Variants in APBB2 observed in about 807,000 individuals in gnomAD.
APBB2 encodes Fe65-like 1.
APBB2 carries 38 observed loss-of-function variants against 82.5 expected under a neutral mutation model. The observed-to-expected ratio is 0.46, with a 90% confidence interval of 0.36 to 0.60. APBB2 has a LOEUF of 0.60. APBB2 is among the 20% of genes least tolerant of loss of function. The probability of loss-of-function intolerance (pLI) is 0.00; values close to 1 mark genes in which losing one functional copy is unlikely to be tolerated. For missense variants in APBB2, 772 were observed against 972.3 expected (o/e 0.79, Z 2.74); for synonymous variants, 341 against 368.2 (o/e 0.93, Z 0.85).
intron 6 of APBB2, among the ~76,000 whole-genome samples, chr4:41,005,507 T>C (rs1806454890): frequency 6.6e-6 from 1 of 152,224 alleles, no homozygotes; most frequent in Non-Finnish European, 1.5e-5. Context: ...GTAGTGTTTT[T>C]GTCTCTCTGA....
intron 6 of APBB2, among the ~76,000 whole-genome samples, chr4:41,000,251 G>C (rs1804851260): frequency 6.6e-6 from 1 of 151,202 alleles, no homozygotes; most frequent in Non-Finnish European, 1.5e-5. Flanking sequence ...AACAGAGTGA[G>C]ACCCTGTCTC....
chr4:41,003,383 C>T (rs558254223), intron 6 of APBB2, among the ~76,000 whole-genome samples: 1 of 152,268 alleles, frequency 6.6e-6, no homozygotes, highest in African/African-American at 2.4e-5. Flanking sequence ...CATGTTGCAT[C>T]TATTAAGGAA....
Position 40,821,918 on chromosome 4 carries a change from C to T in APBB2, c.2065G>A (p.Glu689Lys), listed in dbSNP as rs1748105476. 10 of 1,614,068 alleles carry T rather than the reference C, an allele frequency of 6.2e-6. No individual in the cohort carries two copies. The highest frequency in any genetic ancestry group is 1.1e-5 in the South Asian group (1 of 91,074). Residue 689 changes from glutamate to lysine, a missense_variant, in exon 17 of 18, where the codon GAG becomes AAG. By Grantham distance (56) the Glu-to-Lys change is moderately conservative. Coordinates refer to ENST00000508593, the MANE Select transcript of APBB2 (RefSeq NM_004307.2). Reference protein sequence around the residue: ...QRFECHVFWCEPNAGNVSEAV... With the variant: ...QRFECHVFWCKPNAGNVSEAV... ...TCAGACACGTTACCAGCATTAGGCTCGCACCAGAAAACGTGGCACTCAAAG... is the reference window on the plus strand; with the variant it reads ...TCAGACACGTTACCAGCATTAGGCTTGCACCAGAAAACGTGGCACTCAAAG...
chr4:41,165,338 G>C (rs62409976), intron 1 of APBB2, among the ~76,000 whole-genome samples: 10,706 of 152,102 alleles, frequency 0.07, 910 homozygotes, highest in African/African-American at 0.21. Flanking sequence ...ACTCTCACAC[G>C]AACTACCCAC....
intron 4 of APBB2, among the ~76,000 whole-genome samples, chr4:41,065,154 G>T (rs1356640372): frequency 6.6e-6 from 1 of 152,054 alleles, no homozygotes; most frequent in African/African-American, 2.4e-5. Flanking sequence ...CAGGCACGGT[G>T]GCACATCTGT....
At chr4:40,936,232 C>T (rs762715025) in intron 7 of APBB2, among the ~76,000 whole-genome samples, 1 of 152,128 alleles carries the variant, frequency 6.6e-6, no homozygotes, top group Non-Finnish European at 1.5e-5. Context: ...ATGTCTTGTG[C>T]GTCGAAAGAT....
chr4:41,206,141 C>T (rs547932963), intron 1 of APBB2, among the ~76,000 whole-genome samples: 9 of 152,248 alleles, frequency 5.9e-5, no homozygotes, highest in Non-Finnish European at 7.4e-5. Context: ...GGCCAAATCC[C>T]GAGTTCCCTT....
chr4:40,991,870 T>G (rs1044886060), intron 6 of APBB2, among the ~76,000 whole-genome samples: 1 of 152,154 alleles, frequency 6.6e-6, no homozygotes, highest in Non-Finnish European at 1.5e-5. Context: ...TGAGGTTTCC[T>G]TAAGAATCTT....
intron 4 of APBB2, among the ~76,000 whole-genome samples, chr4:41,057,551 C>A (rs1482448731): frequency 6.6e-6 from 1 of 152,210 alleles, no homozygotes; most frequent in Non-Finnish European, 1.5e-5. Flanking sequence ...CAGAGGCAAA[C>A]AACAAACTGA....
chr4:40,946,681 T>G (rs1788543960), intron 6 of APBB2, among the ~76,000 whole-genome samples: 2 of 151,344 alleles, frequency 1.3e-5, no homozygotes, highest in South Asian at 4.2e-4. Flanking sequence ...AATCAATGTA[T>G]GTAGGAAGAA....
At chr4:41,035,769 CAG>C (rs1718917524) in intron 4 of APBB2, among the ~76,000 whole-genome samples, 1 of 152,190 alleles carries the variant, frequency 6.6e-6, no homozygotes, top group Admixed American at 6.5e-5. Context: ...TGAATATGTA[CAG>C]ACTTTTTTTT....
chr4:40,988,674 A>C (rs867514162), intron 6 of APBB2, among the ~76,000 whole-genome samples: 1,637 of 151,402 alleles, frequency 0.011, 41 homozygotes, highest in African/African-American at 0.038. Flanking sequence ...CAAAAAAAAA[A>C]AAAAGCCAGG....
intron 4 of APBB2, among the ~76,000 whole-genome samples, chr4:41,053,195 T>C (rs147115625): frequency 1.3e-3 from 203 of 152,336 alleles, no homozygotes; most frequent in African/African-American, 4.7e-3. Context: ...TTTTACTATA[T>C]GATGTGCAAA....
chr4:40,849,315 C>A (rs1327437266), intron 12 of APBB2, among the ~76,000 whole-genome samples: 2 of 152,152 alleles, frequency 1.3e-5, no homozygotes, highest in Non-Finnish European at 2.9e-5. Context: ...AAAAGCCAAG[C>A]GAATCTATAC....
chr4:40,949,644 C>G (rs1358299676), intron 6 of APBB2, among the ~76,000 whole-genome samples: 1 of 151,834 alleles, frequency 6.6e-6, no homozygotes, highest in Non-Finnish European at 1.5e-5. Context: ...TTCGACAACA[C>G]CAGGCGATTT....
At chr4:40,915,289 C>T (rs914410280) in intron 10 of APBB2, among the ~76,000 whole-genome samples, 1 of 151,990 alleles carries the variant, frequency 6.6e-6, no homozygotes, top group Non-Finnish European at 1.5e-5. Context: ...TCCTGGCACT[C>T]GCTCACACTC....
At chr4:40,881,688 C>T (rs1489582960) in intron 12 of APBB2, among the ~76,000 whole-genome samples, 2 of 151,814 alleles carry the variant, frequency 1.3e-5, no homozygotes, top group African/African-American at 4.8e-5. Context: ...TGTGCACTAT[C>T]ACACCTGGCT....
intron 1 of APBB2, among the ~76,000 whole-genome samples, chr4:41,198,733 G>A (rs931834262): frequency 9.8e-5 from 15 of 152,340 alleles, no homozygotes; most frequent in South Asian, 6.2e-4. Context: ...GAAGCTAGAA[G>A]TCTGAAATCA....
rs754438516 is a variant in APBB2 at position 40,821,922 on chromosome 4, C to G, written c.2061G>C (p.Trp687Cys). 6.2e-7 allele frequency: 1 copy of G among 1,614,068 alleles called. No individual in the cohort carries two copies. The highest frequency in any genetic ancestry group is 8.5e-7 in the Non-Finnish European group (1 of 1,180,032). Residue 687 changes from tryptophan to cysteine, a missense_variant, in exon 17 of 18, where the codon TGG (tryptophan) becomes TGC (cysteine). Trp to Cys is a radical substitution (Grantham distance 215). Coordinates refer to ENST00000508593, the MANE Select transcript of APBB2 (RefSeq NM_004307.2). ...GNQRFECHVF[W>C]CEPNAGNVSE... Reference sequence around the variant, plus strand: ...ACACGTTACCAGCATTAGGCTCGCACCAGAAAACGTGGCACTCAAAGCGCT... The same window carrying G: ...ACACGTTACCAGCATTAGGCTCGCAGCAGAAAACGTGGCACTCAAAGCGCT...
Sources: gnomAD v4.1 joint callset for allele counts (sites outside exome capture counted in the v4.1 genomes callset) on GRCh38, gnomAD v4.1.1 for gene constraint, MANE v1.5 for transcripts, NCBI Gene and HGNC (gene_info 2026-07-23, HGNC 2026-07-21) for gene names.